The following AMBRA1 variants were observed in gnomAD, a reference collection of about 807,000 sequenced individuals.
The protein encoded by AMBRA1 is autophagy and beclin 1 regulator 1.
In AMBRA1, 47 loss-of-function variants were observed where a neutral mutation model predicts 125.4. The observed-to-expected ratio is 0.37, with a 90% confidence interval of 0.30 to 0.48. The LOEUF (loss-of-function observed/expected upper bound fraction) is 0.48. AMBRA1 is among the 20% of genes least tolerant of loss of function. The pLI is 0.99. For missense variants in AMBRA1, 1,331 were observed against 1,693.4 expected, an observed-to-expected ratio of 0.79 and a Z score of 3.76; for synonymous variants, 626 against 655.5, an observed-to-expected ratio of 0.95 and a Z score of 0.69.
chr11:46,538,414 C>T lies in AMBRA1; in HGVS notation c.2072+3531G>A, dbSNP rs182134305. ...TAATACACATTTTTAAATGGTTGAA[C>T]TTTAAACCACAATGCATATATTTTT... On this transcript the variant is annotated intron_variant, in intron 7 of 17. Transcript: ENST00000683756. 2.5e-3 allele frequency among the ~76,000 whole-genome samples: 379 copies of T among 152,242 alleles called. 2 individuals carry two copies. Among genetic ancestry groups the T allele is most frequent in the African/African-American group, 8.7e-3 (360 of 41,546 alleles).
At chr11:46,442,073 T>C (rs1948039074) in intron 12 of AMBRA1, among the ~76,000 whole-genome samples, 1 of 150,342 alleles carries the variant, frequency 6.7e-6, no homozygotes, top group Non-Finnish European at 1.5e-5. Flanking sequence ...TGGGCTCAGA[T>C]GATCCTCCCA....
chr11:46,534,338 C>CAGAA (rs919585790), intron 7 of AMBRA1, among the ~76,000 whole-genome samples: 6 of 151,562 alleles, frequency 4.0e-5, no homozygotes, highest in Non-Finnish European at 7.4e-5. Flanking sequence ...ACTAAAAATA[C>CAGAA]AGAAAAGTTA....
intron 8 of AMBRA1, among the ~76,000 whole-genome samples, chr11:46,509,951 A>G (rs1951196122): frequency 6.6e-6 from 1 of 152,212 alleles, no homozygotes; most frequent in Non-Finnish European, 1.5e-5. Flanking sequence ...CTATCTTGCA[A>G]AGAGGTCCTC....
Position 46,543,029 on chromosome 11 carries a change from G to C in AMBRA1, c.988C>G (p.Pro330Ala). Residue 330 changes from proline to alanine, a missense_variant, in exon 7 of 18, where the codon CCC becomes GCC. Physicochemically the swap from Pro to Ala is conservative, Grantham distance 27 (BLOSUM62 -1). This residue lies in a region of AMBRA1 where 689 missense variants were observed against 776.5 expected (regional missense o/e 0.89). Coordinates refer to ENST00000683756, the MANE Select transcript of AMBRA1 (RefSeq NM_001387011.1). ...GTAGTAGCTCTGGCAGAAGCAGGGG[G>C]GACACTGTCCTGGTGTGGCAAGAGG... ...PSLLPHQDSVPPASARATTPS... is the reference protein window; with the variant it reads ...PSLLPHQDSVAPASARATTPS... 3.8e-6 allele frequency: 6 copies of C among 1,599,484 alleles called. No homozygotes were observed. Among genetic ancestry groups the C allele is most frequent in the Non-Finnish European group, 5.1e-6 (6 of 1,179,862 alleles).
At chr11:46,487,361 A>G (rs938976969) in intron 11 of AMBRA1, among the ~76,000 whole-genome samples, 1 of 152,230 alleles carries the variant, frequency 6.6e-6, no homozygotes, top group African/African-American at 2.4e-5. Context: ...AATAAAGTTA[A>G]TAACAATTTT....
intron 11 of AMBRA1, among the ~76,000 whole-genome samples, chr11:46,467,383 AG>A (rs1281026792): frequency 6.6e-6 from 1 of 152,216 alleles, no homozygotes; most frequent in Non-Finnish European, 1.5e-5. Flanking sequence ...TCACAAATAC[AG>A]GAATAGTATA....
chr11:46,546,623 C>CAAA (rs199573787), intron 4 of AMBRA1, among the ~76,000 whole-genome samples: 2 of 114,194 alleles, frequency 1.8e-5, no homozygotes, highest in African/African-American at 3.1e-5. Flanking sequence ...TAAGCTATTG[C>CAAA]AAAAAAAAAA....
chr11:46,585,695 A>AATATAT (rs1555017409), intron 1 of AMBRA1, among the ~76,000 whole-genome samples: 317 of 22,880 alleles, frequency 0.014, 21 homozygotes, highest in African/African-American at 0.019. Flanking sequence ...AAAAAAAAAA[A>AATATAT]ATATATATAT....
chr11:46,534,134 GAT>G (rs1425226702), intron 7 of AMBRA1, among the ~76,000 whole-genome samples: 1 of 147,418 alleles, frequency 6.8e-6, no homozygotes, highest in Admixed American at 6.9e-5. Flanking sequence ...TGGCATACTA[GAT>G]ATCTTATTTT....
intron 14 of AMBRA1, among the ~76,000 whole-genome samples, chr11:46,419,774 T>C (rs750857589): frequency 3.3e-5 from 5 of 152,042 alleles, no homozygotes; most frequent in Non-Finnish European, 7.4e-5. Flanking sequence ...GGTACAATTA[T>C]AATTATTTTT....
chr11:46,487,485 A>C (rs1203009668), intron 11 of AMBRA1, among the ~76,000 whole-genome samples: 4 of 152,170 alleles, frequency 2.6e-5, no homozygotes, highest in Non-Finnish European at 5.9e-5. Context: ...AGATTGTATT[A>C]ATCAATAAGT....
At chr11:46,541,140 A>G (rs555440976) in intron 7 of AMBRA1, among the ~76,000 whole-genome samples, 20 of 152,254 alleles carry the variant, frequency 1.3e-4, no homozygotes, top group Non-Finnish European at 2.4e-4. Context: ...AATTACAGAA[A>G]GAAGTCCCTA....
chr11:46,455,479 C>T (rs1284148600), intron 11 of AMBRA1, among the ~76,000 whole-genome samples: 1 of 152,162 alleles, frequency 6.6e-6, no homozygotes, highest in Non-Finnish European at 1.5e-5. Flanking sequence ...AGCGTGCACA[C>T]AAAGACATTC....
intron 1 of AMBRA1, among the ~76,000 whole-genome samples, chr11:46,552,705 T>C (rs2043046359): frequency 6.6e-6 from 1 of 150,554 alleles, no homozygotes; most frequent in South Asian, 2.1e-4. Flanking sequence ...AATTAAATTA[T>C]GCGGTAAGTA....
In AMBRA1 at chr11:46,542,325, G is replaced by A. The variant is rs1952789048; in HGVS notation, c.1692C>T (p.His564=). 2 of 1,614,152 alleles carry A rather than the reference G, an allele frequency of 1.2e-6. No homozygotes were observed. The highest frequency in any genetic ancestry group is 2.2e-5 in the East Asian group (1 of 44,888). The change falls in exon 7 of 18, where the codon CAC becomes CAT. Residue 564 remains histidine (H), a synonymous_variant. Coordinates refer to ENST00000683756, the MANE Select transcript of AMBRA1 (RefSeq NM_001387011.1). The surrounding 1 kb of genome is among the most constrained non-coding windows in gnomAD (Gnocchi z 5.9). The stretch of plus-strand genomic sequence containing the variant: ...TGTGGCAAGCACGACAGCGATTCAG[G>A]TGGCCACGGGACAGGTTGGAGTTGT... ...SENNSNLSRG[H]LNRCRACHNL... is the part of the protein sequence containing the mutation.
At chr11:46,475,494 A>G (rs1408037462) in intron 11 of AMBRA1, among the ~76,000 whole-genome samples, 1 of 152,230 alleles carries the variant, frequency 6.6e-6, no homozygotes, top group East Asian at 1.9e-4. Flanking sequence ...CTCTGTATAC[A>G]AAAATCCCCT....
chr11:46,474,577 G>A (rs1273351280), intron 11 of AMBRA1, among the ~76,000 whole-genome samples: 2 of 152,024 alleles, frequency 1.3e-5, no homozygotes, highest in Non-Finnish European at 2.9e-5. Context: ...TAGTAGAGTC[G>A]GGGTTTCACA....
rs2043136472 is a variant in AMBRA1 at position 46,555,581 on chromosome 11, ACAC to A, written c.-120-7084_-120-7082del. ...AATAGGGCCAACTGAAACCCCAGAGACACCACAATTCCCAAGAGTAGCAGATTT... is the reference window on the plus strand; with the variant it reads ...AATAGGGCCAACTGAAACCCCAGAGACACAATTCCCAAGAGTAGCAGATTT... On this transcript the variant is annotated intron_variant, in intron 1 of 17. Transcript: ENST00000683756. Among the ~76,000 whole-genome samples, 4 of 152,202 alleles carry A rather than the reference ACAC, an allele frequency of 2.6e-5. No homozygotes were observed. In the South Asian group the frequency reaches 8.3e-4, roughly 32 times the overall value.
chr11:46,517,321 T>C (rs909014229), intron 7 of AMBRA1, among the ~76,000 whole-genome samples: 35 of 151,346 alleles, frequency 2.3e-4, no homozygotes, highest in Admixed American at 2.0e-3. Context: ...CTGATTTTTG[T>C]ATTTTTAGTA....
Sources: gnomAD v4.1 joint callset for allele counts (sites outside exome capture counted in the v4.1 genomes callset) on GRCh38, gnomAD v4.1.1 for gene constraint, gnomAD v4.1.1 regional missense constraint, Gnocchi (gnomAD v3.1) non-coding constraint, MANE v1.5 for transcripts, NCBI Gene and HGNC (gene_info 2026-07-23, HGNC 2026-07-21) for gene names.